ADAMTS18: variants seen among roughly 807,000 people sequenced by gnomAD.
ADAMTS18 encodes the protein ADAM metallopeptidase with thrombospondin type 1 motif 18.
In ADAMTS18, 157 loss-of-function variants were observed where a neutral mutation model predicts 165.9. The observed-to-expected ratio is 0.95, with a 90% CI of 0.83 to 1.08. The LOEUF (loss-of-function observed/expected upper bound fraction) is 1.08, where lower values mean the gene tolerates loss of function less well. Among genes scored for constraint, ADAMTS18 ranks in the 50% least tolerant of loss-of-function variants. The pLI, the probability that ADAMTS18 is intolerant of heterozygous loss-of-function variation, is 0.00. For missense variants in ADAMTS18, 2,040 were observed against 1,534.0 expected (o/e 1.33, Z -5.51); for synonymous variants, 782 against 578.2 (o/e 1.35, Z -5.06).
intron 8 of ADAMTS18, among the ~76,000 whole-genome samples, chr16:77,356,865 T>A: frequency 6.6e-6 from 1 of 152,014 alleles, no homozygotes; most frequent in Non-Finnish European, 1.5e-5. Context: ...CATACCCACA[T>A]AGGATACATA....
intron 16 of ADAMTS18, among the ~76,000 whole-genome samples, chr16:77,314,411 C>T (rs578028650): frequency 2.3e-4 from 35 of 151,776 alleles, no homozygotes; most frequent in African/African-American, 8.5e-4. Flanking sequence ...AGTTCCAGAC[C>T]AGCGTGACCA....
At chr16:77,433,147 A>T (rs1469147047) in intron 2 of ADAMTS18, among the ~76,000 whole-genome samples, 1 of 152,178 alleles carries the variant, frequency 6.6e-6, no homozygotes, top group Non-Finnish European at 1.5e-5. Flanking sequence ...ATTATGTGCA[A>T]TTTCTTAGAG....
At chr16:77,355,842 A>G (rs187487698) in intron 9 of ADAMTS18, 98 bp downstream of exon 9, 1 of 1,427,484 alleles carries the variant, frequency 7.0e-7, no homozygotes, top group Non-Finnish European at 9.9e-7. Context: ...TTGACAGGTC[A>G]AAAGGTATTT....
At chr16:77,396,107 G>A (rs1376058812) in intron 3 of ADAMTS18, among the ~76,000 whole-genome samples, 1 of 152,130 alleles carries the variant, frequency 6.6e-6, no homozygotes, top group Non-Finnish European at 1.5e-5. Flanking sequence ...TTTTGGGAAA[G>A]CCAGAATTTT....
intron 16 of ADAMTS18, among the ~76,000 whole-genome samples, chr16:77,307,005 C>G (rs1199933359): frequency 6.6e-6 from 1 of 152,118 alleles, no homozygotes; most frequent in Non-Finnish European, 1.5e-5. Context: ...CAACACTGGG[C>G]CTCCCTGGTG....
At chr16:77,375,651 A>C (rs1374315765) in intron 3 of ADAMTS18, among the ~76,000 whole-genome samples, 1 of 152,120 alleles carries the variant, frequency 6.6e-6, no homozygotes, top group Non-Finnish European at 1.5e-5. Context: ...TAAGAAGGAG[A>C]TGGACTGGGG....
intron 10 of ADAMTS18, among the ~76,000 whole-genome samples, chr16:77,346,214 T>A (rs2056473684): frequency 6.6e-6 from 1 of 152,204 alleles, no homozygotes; most frequent in South Asian, 2.1e-4. Context: ...ATTCCAAACT[T>A]ACTTAGCACT....
intron 3 of ADAMTS18, among the ~76,000 whole-genome samples, chr16:77,391,343 A>T (rs1421660849): frequency 1.3e-5 from 2 of 152,060 alleles, no homozygotes; most frequent in African/African-American, 4.8e-5. Flanking sequence ...TCTCTACTAA[A>T]AATACAAAAA....
At chr16:77,382,746 C>T (rs1219288295) in intron 3 of ADAMTS18, among the ~76,000 whole-genome samples, 6 of 152,166 alleles carry the variant, frequency 3.9e-5, no homozygotes, top group South Asian at 4.1e-4. Context: ...ATGACCAAGA[C>T]GACAGCTAGC....
intron 10 of ADAMTS18, among the ~76,000 whole-genome samples, chr16:77,344,943 T>C (rs985062374): frequency 6.6e-6 from 1 of 152,016 alleles, no homozygotes; most frequent in Non-Finnish European, 1.5e-5. Context: ...ACCTCCCCCC[T>C]CTTTTTACCA....
chr16:77,370,734 G>A (rs951601534), intron 3 of ADAMTS18, among the ~76,000 whole-genome samples: 2 of 151,756 alleles, frequency 1.3e-5, no homozygotes, highest in South Asian at 4.2e-4. Context: ...TGGGCATTAA[G>A]AGCAAAACTC....
intron 16 of ADAMTS18, among the ~76,000 whole-genome samples, chr16:77,315,039 G>T (rs2055862427): frequency 2.0e-5 from 3 of 151,292 alleles, no homozygotes; most frequent in Middle Eastern, 6.9e-3. Flanking sequence ...TGGAATTTAA[G>T]GTTATGTGTT....
intron 16 of ADAMTS18, among the ~76,000 whole-genome samples, chr16:77,309,175 T>G (rs1254066173): frequency 1.3e-5 from 2 of 151,998 alleles, no homozygotes; most frequent in Admixed American, 6.6e-5. Context: ...GACTGCTAAA[T>G]CAATATTTAT....
chr16:77,380,252 T>G (rs2057011974), intron 3 of ADAMTS18, among the ~76,000 whole-genome samples: 1 of 152,242 alleles, frequency 6.6e-6, no homozygotes, highest in Admixed American at 6.5e-5. Flanking sequence ...AGATTCAGTC[T>G]CTGTCTTCAA....
chr16:77,314,682 TGATA>T (rs1184295627), intron 16 of ADAMTS18, among the ~76,000 whole-genome samples: 11 of 132,600 alleles, frequency 8.3e-5, no homozygotes, highest in African/African-American at 2.9e-4. Flanking sequence ...TACATACGAT[TGATA>T]GATAGTGCGG....
At position 77,289,417 on chromosome 16, in the gene ADAMTS18, G is replaced by A. The variant is rs939708609; in HGVS notation, c.3403-6C>T. The A allele has an allele frequency of 5.0e-6, 8 of 1,613,800 alleles. No individual in the cohort carries two copies. Among genetic ancestry groups the A allele is most frequent in the Non-Finnish European group, 8.5e-7 (1 of 1,179,936 alleles). ...CCCCCACAGGTGACTGTGCACTGCA[G>A]CAGAGAGAAGAGGAAGGAGTCAGAA... On this transcript the variant is annotated splice_polypyrimidine_tract_variant and splice_region_variant and intron_variant, in intron 21 of 22. Coordinates refer to ENST00000282849, the MANE Select transcript of ADAMTS18 (RefSeq NM_199355.4).
chr16:77,317,983 C>G (rs556029622), intron 16 of ADAMTS18, among the ~76,000 whole-genome samples: 3 of 152,160 alleles, frequency 2.0e-5, no homozygotes, highest in African/African-American at 7.2e-5. Context: ...TGCTGTCAGC[C>G]CAGAAAACAA....
chr16:77,416,612 C>G (rs951751106), intron 3 of ADAMTS18, among the ~76,000 whole-genome samples: 1 of 152,182 alleles, frequency 6.6e-6, no homozygotes, highest in African/African-American at 2.4e-5. Context: ...ATTGTGAGAC[C>G]TCTCCAGGCA....
chr16:77,300,436 A>G, intron 16 of ADAMTS18, 32 bp from the exon 17 acceptor site: 1 of 1,613,274 alleles, frequency 6.2e-7, no homozygotes, highest in South Asian at 1.1e-5. Flanking sequence ...TCAGAGATCA[A>G]GATACAGGTC....
Sources: allele counts gnomAD v4.1 joint callset (sites outside exome capture counted in the v4.1 genomes callset), GRCh38; gene constraint gnomAD v4.1.1; transcripts MANE v1.5; gene names NCBI Gene and HGNC (gene_info 2026-07-23, HGNC 2026-07-21).